PARVB: variants seen among roughly 807,000 people sequenced by gnomAD.
The protein encoded by PARVB is parvin beta.
PARVB carries 46 observed loss-of-function variants against 47.0 expected under a neutral mutation model. The observed-to-expected ratio is 0.98, with a 90% CI of 0.77 to 1.25. The LOEUF (loss-of-function observed/expected upper bound fraction) is 1.25. Ranked by LOEUF, PARVB falls within the 50% of genes most tolerant of loss-of-function variation. The pLI is 0.00. For missense variants in PARVB, 473 were observed against 471.6 expected, an observed-to-expected ratio of 1.00 and a Z score of -0.03; for synonymous variants, 196 against 196.3, an observed-to-expected ratio of 1.00 and a Z score of 0.01.
chr22:44,023,542 TAAAATAAAATAAAA>T (rs1569056422), upstream of PARVB, among the ~76,000 whole-genome samples: 7 of 82,586 alleles, frequency 8.5e-5, no homozygotes, highest in African/African-American at 3.5e-4. Context: ...CAAAACAAAA[TAAAATAAAATAAAA>T]TAAAATAAAA....
intron 1 of PARVB, among the ~76,000 whole-genome samples, chr22:44,080,003 C>A (rs779443671): frequency 6.6e-6 from 1 of 152,198 alleles, no homozygotes; most frequent in South Asian, 2.1e-4. Flanking sequence ...GAATGGCCCG[C>A]GGCAGCCTTA....
intron 8 of PARVB, chr22:44,147,288 T>G: frequency 9.2e-6 from 2 of 216,536 alleles, no homozygotes; most frequent in South Asian, 7.5e-5. Context: ...AGTTGGAGGG[T>G]TTTAGTTGTG....
intron 1 of PARVB, chr22:44,026,261 A>C: frequency 2.1e-6 from 2 of 958,710 alleles, no homozygotes; most frequent in East Asian, 1.2e-4. Flanking sequence ...AGCCTGGTTT[A>C]ATTCAAATGC....
chr22:44,158,807 A>G (rs1007370201), intron 11 of PARVB, among the ~76,000 whole-genome samples: 1 of 152,202 alleles, frequency 6.6e-6, no homozygotes, highest in Non-Finnish European at 1.5e-5. Flanking sequence ...TGGATGGTCT[A>G]TGTTGCTTTG....
upstream of PARVB, among the ~76,000 whole-genome samples, chr22:44,021,759 T>TCACACA (rs3223605): frequency 0.021 from 2,190 of 102,644 alleles, 55 homozygotes; most frequent in Non-Finnish European, 0.028. Flanking sequence ...AAGTCTAGAC[T>TCACACA]CACACACACA....
chr22:44,156,279 CTTTT>C (rs71188434), intron 10 of PARVB, among the ~76,000 whole-genome samples: 2 of 126,398 alleles, frequency 1.6e-5, no homozygotes, highest in African/African-American at 3.0e-5. Flanking sequence ...GACTTTTCAT[CTTTT>C]TTTTTTTTTT....
At position 44,016,190 on chromosome 22, in the gene PARVB, A is replaced by G. The variant is rs148227416; in HGVS notation, c.211+16517A>G. The stretch of plus-strand genomic sequence containing the variant: ...CGGCTCACTGCAAGCTCCACCTCCC[A>G]GGTTTACGCAATTCTCCTGCCTCAG... On this transcript the variant is annotated intron_variant, in intron 2 of 13. Transcript: ENST00000406477. 8.8e-3 allele frequency among the ~76,000 whole-genome samples: 1,263 copies of G among 144,068 alleles called. 18 individuals carry two copies. The highest frequency in any genetic ancestry group is 0.029 in the African/African-American group (1,120 of 38,370). The allele number at this position is 144,068 out of a possible 152,430, so 94.5% of individuals were successfully genotyped here.
intron 1 of PARVB, chr22:44,086,602 C>A (rs1014206902): frequency 4.2e-6 from 1 of 237,290 alleles, no homozygotes; most frequent in Non-Finnish European, 6.9e-6. Context: ...AAAGACTGCC[C>A]AACAGCATCT....
rs190082863 is a variant in PARVB, at chr22:44,148,730, C to T, written c.774+808C>T. On this transcript the variant is annotated intron_variant, in intron 9 of 12. Coordinates refer to ENST00000338758, the MANE Select transcript of PARVB (RefSeq NM_013327.5). Reference sequence around the variant, plus strand: ...AGGGAGCTTGGTAGGAAGCATTTTTCAAACTTGTTTGTTTATAGTGGGATT... The same window carrying T: ...AGGGAGCTTGGTAGGAAGCATTTTTTAAACTTGTTTGTTTATAGTGGGATT... 41 of 152,296 alleles carry T rather than the reference C, an allele frequency of 2.7e-4. 1 individual carries two copies. Among genetic ancestry groups the T allele is most frequent in the Admixed American group, 2.6e-3 (40 of 15,298 alleles). The allele number at this position is 152,296 out of a possible 1,614,324, so 9.4% of individuals were successfully genotyped here. A position where few individuals can be genotyped will look rare whatever the true frequency, so the allele number is the denominator to read the frequency against.
At chr22:44,019,344 C>T (rs748008654), upstream of PARVB, among the ~76,000 whole-genome samples, 5 of 151,802 alleles carry the variant, frequency 3.3e-5, no homozygotes, top group Admixed American at 2.0e-4. Context: ...CTCAGCCTCC[C>T]GAGTAGCTGG....
chr22:44,046,362 G>A lies in PARVB; in HGVS notation c.112+21911G>A, dbSNP rs554286329. On this transcript the variant is annotated intron_variant, in intron 1 of 12. Transcript: ENST00000338758. ...GCTGCTCCTTGGTGCTAGGAGATGC[G>A]TCCTGAGGCTGGCCATCCATGTCAG... Among the ~76,000 whole-genome samples, 7 of 152,342 alleles carry A rather than the reference G, an allele frequency of 4.6e-5. No individual in the cohort carries two copies. The East Asian group carries it at 5.8e-4, about 13-fold the overall frequency.
At chr22:44,010,355 G>A (rs144811802) in intron 2 of PARVB, 1 of 152,112 alleles carries the variant, frequency 6.6e-6, no homozygotes, top group South Asian at 2.1e-4. Context: ...CCCCTGCCAG[G>A]GTGTCTCATA....
rs116973854 is a variant in PARVB, at chr22:44,090,586, C to T, written c.113-3342C>T. Among the ~76,000 whole-genome samples the T allele has an allele frequency of 1.1e-3, 163 of 152,352 alleles. 2 individuals are homozygous for T. The East Asian group carries it at 0.026, about 24-fold the overall frequency. ...TCAGGTGAGCAGGGCTGCCTCGAAG[C>T]GTTGACCACTTGCCCCGAGGTCTCC... On this transcript the variant is annotated intron_variant, in intron 1 of 12. Transcript: ENST00000338758.
At chr22:44,130,151 G>A (rs1235545992) in intron 4 of PARVB, among the ~76,000 whole-genome samples, 1 of 152,226 alleles carries the variant, frequency 6.6e-6, no homozygotes, top group Non-Finnish European at 1.5e-5. Flanking sequence ...GGACTTGATT[G>A]CTTTCATGAT....
chr22:44,166,898 G>C (rs770492498), intron 12 of PARVB, among the ~76,000 whole-genome samples: 31 of 152,232 alleles, frequency 2.0e-4, no homozygotes, highest in Non-Finnish European at 3.4e-4. Context: ...GGGTGCAGTG[G>C]CTGCGGTCTC....
chr22:44,159,268 T>G (rs1408475967), intron 11 of PARVB, among the ~76,000 whole-genome samples: 1 of 152,198 alleles, frequency 6.6e-6, no homozygotes, highest in Non-Finnish European at 1.5e-5. Context: ...TTTTCTTTCT[T>G]CAAACTAGTA....
intron 7 of PARVB, 27 bp downstream of exon 7, chr22:44,136,545 C>T (rs764169703): frequency 1.9e-6 from 3 of 1,603,786 alleles, no homozygotes; most frequent in Non-Finnish European, 8.5e-7. Flanking sequence ...CTTGCCCTTC[C>T]AGGCCCTGCT....
At chr22:44,166,244 G>A (rs1262226522) in intron 12 of PARVB, among the ~76,000 whole-genome samples, 1 of 152,184 alleles carries the variant, frequency 6.6e-6, no homozygotes, top group South Asian at 2.1e-4. Flanking sequence ...CAAGTAGCTG[G>A]GATTACAGGC....
intron 1 of PARVB, among the ~76,000 whole-genome samples, chr22:44,062,717 G>A (rs951965243): frequency 5.9e-5 from 9 of 152,172 alleles, no homozygotes; most frequent in Non-Finnish European, 1.2e-4. Flanking sequence ...AAAGGGTGCA[G>A]GTGAGCAGAA....
Sources: gnomAD v4.1 joint callset for allele counts (sites outside exome capture counted in the v4.1 genomes callset) on GRCh38, gnomAD v4.1.1 for gene constraint, MANE v1.5 for transcripts, NCBI Gene and HGNC (gene_info 2026-07-23, HGNC 2026-07-21) for gene names.